The following KAT2B variants were observed in gnomAD, a reference collection of about 807,000 sequenced individuals.
KAT2B encodes the protein lysine acetyltransferase 2B.
A neutral mutation model predicts 105.9 loss-of-function variants in KAT2B; 36 were observed. That is an observed-to-expected ratio of 0.34 (90% CI 0.26 to 0.45). KAT2B has a LOEUF of 0.45. Ranked by LOEUF, KAT2B falls within the 20% of genes least tolerant of loss-of-function variation. The pLI is 1.00. For synonymous variants in KAT2B, 397 were observed against 377.9 expected (o/e 1.05, Z -0.59); for missense variants, 820 against 1,021.6 (o/e 0.80, Z 2.69).
chr3:20,103,418 AT>A (rs973264514), intron 5 of KAT2B, among the ~76,000 whole-genome samples: 1 of 151,292 alleles, frequency 6.6e-6, no homozygotes, highest in African/African-American at 2.4e-5. Flanking sequence ...TTTTATTTTT[AT>A]TTTTTTTAGA....
chr3:20,101,131 G>A, intron 4 of KAT2B, 156 bp from the exon 5 acceptor site: 1 of 606,544 alleles, frequency 1.6e-6, no homozygotes, highest in Non-Finnish European at 2.9e-6. Context: ...TCCCTCTGGG[G>A]ATTGCTATTT....
intron 5 of KAT2B, among the ~76,000 whole-genome samples, 158 bp downstream of exon 5, chr3:20,101,626 T>C (rs1033100985): frequency 2.6e-5 from 4 of 152,224 alleles, no homozygotes; most frequent in African/African-American, 9.6e-5. Flanking sequence ...CTCCTGCTTT[T>C]CATTGCTATC....
At chr3:20,107,711 A>G (rs9828701) in intron 5 of KAT2B, among the ~76,000 whole-genome samples, 26,447 of 149,526 alleles carry the variant, frequency 0.18, 2,476 homozygotes, top group Middle Eastern at 0.23. Flanking sequence ...TAATTTCACC[A>G]TGTAACCATT....
chr3:20,124,751 T>C (rs1260586451), intron 9 of KAT2B, among the ~76,000 whole-genome samples: 1 of 152,228 alleles, frequency 6.6e-6, no homozygotes, highest in Non-Finnish European at 1.5e-5. Context: ...AGGAGTTTTG[T>C]GAGCTGGTTG....
intron 17 of KAT2B, among the ~76,000 whole-genome samples, chr3:20,150,336 G>A (rs796950685): frequency 2.0e-5 from 3 of 152,132 alleles, no homozygotes; most frequent in South Asian, 4.1e-4. Context: ...ATTTTCCCAC[G>A]ATTTCCTTAT....
At chr3:20,079,237 C>G (rs1477952927) in intron 2 of KAT2B, among the ~76,000 whole-genome samples, 4 of 129,936 alleles carry the variant, frequency 3.1e-5, no homozygotes, top group Non-Finnish European at 6.3e-5. Flanking sequence ...CAGAGTCTGG[C>G]TCTGTCACCC....
At chr3:20,135,806 G>A (rs1280622246) in intron 11 of KAT2B, among the ~76,000 whole-genome samples, 1 of 152,178 alleles carries the variant, frequency 6.6e-6, no homozygotes, top group East Asian at 1.9e-4. Context: ...TCAAAGGCTT[G>A]AAGGGCTGTT....
intron 8 of KAT2B, among the ~76,000 whole-genome samples, chr3:20,122,256 A>T (rs1442437232): frequency 6.6e-6 from 1 of 152,222 alleles, no homozygotes; most frequent in African/African-American, 2.4e-5. Flanking sequence ...CATTTACAAA[A>T]GATTGGTCTT....
At position 20,128,662 on chromosome 3, in the gene KAT2B, G is replaced by T. The variant is rs147765751; in HGVS notation, c.1749+1113G>T. ...AGAGCTCTCATCTATACCTTGTCCT[G>T]TTCTACTTTCTTGCTTTTAAGAAAA... is the stretch of plus-strand genomic sequence containing the variant. On this transcript the variant is annotated intron_variant, in intron 11 of 17. Coordinates refer to ENST00000263754, the MANE Select transcript of KAT2B (RefSeq NM_003884.5). Among the ~76,000 whole-genome samples, 276 of 152,178 alleles carry T rather than the reference G, an allele frequency of 1.8e-3. 4 individuals are homozygous for T. Among genetic ancestry groups the T allele is most frequent in the African/African-American group, 6.5e-3 (268 of 41,522 alleles).
intron 8 of KAT2B, among the ~76,000 whole-genome samples, chr3:20,121,364 C>T (rs1699304176): frequency 6.6e-6 from 1 of 151,998 alleles, no homozygotes; most frequent in Non-Finnish European, 1.5e-5. Flanking sequence ...CTTAAAAATT[C>T]AAAAAATTTA....
intron 11 of KAT2B, among the ~76,000 whole-genome samples, 159 bp downstream of exon 11, chr3:20,127,708 A>G (rs373469804): frequency 1.6e-4 from 25 of 152,278 alleles, no homozygotes; most frequent in African/African-American, 5.8e-4. Context: ...ATGGTCTCCA[A>G]CCTTTTTGGC....
At chr3:20,054,191 G>A (rs945958969) in intron 1 of KAT2B, among the ~76,000 whole-genome samples, 11 of 150,386 alleles carry the variant, frequency 7.3e-5, no homozygotes, top group Admixed American at 3.3e-4. Context: ...GTGCAGTGGC[G>A]CGATCTTGGC....
rs536216026 is a variant in KAT2B, at chr3:20,092,788, G to A, written c.431-2475G>A. Among the ~76,000 whole-genome samples the A allele has an allele frequency of 1.4e-4, 21 of 151,918 alleles. No homozygotes were observed. In the South Asian group the frequency reaches 2.1e-3, roughly 15 times the overall value. The stretch of plus-strand genomic sequence containing the variant: ...GTGATGTCGGCTCACTGCAATCTCC[G>A]CCTCCTGGGTTCAAGCAATTCTCCT... On this transcript the variant is annotated intron_variant, in intron 2 of 17. Coordinates refer to ENST00000263754, the MANE Select transcript of KAT2B (RefSeq NM_003884.5).
At chr3:20,069,565 G>A (rs796973527) in intron 1 of KAT2B, among the ~76,000 whole-genome samples, 7 of 147,192 alleles carry the variant, frequency 4.8e-5, no homozygotes, top group Admixed American at 1.4e-4. Flanking sequence ...TCACTCTGTC[G>A]CTCAGGCTGG....
At chr3:20,128,660 C>G (rs1699453267) in intron 11 of KAT2B, among the ~76,000 whole-genome samples, 5 of 152,134 alleles carry the variant, frequency 3.3e-5, no homozygotes, top group Admixed American at 3.3e-4. Context: ...ATACCTTGTC[C>G]TGTTCTACTT....
intron 2 of KAT2B, among the ~76,000 whole-genome samples, chr3:20,081,151 C>T (rs1336924390): frequency 6.6e-6 from 1 of 152,160 alleles, no homozygotes; most frequent in Non-Finnish European, 1.5e-5. Context: ...TTCCCATGAA[C>T]AAAAAATGTA....
At chr3:20,148,333 G>A (rs1699813267) in intron 16 of KAT2B, 27 bp downstream of exon 16, 1 of 1,611,226 alleles carries the variant, frequency 6.2e-7, no homozygotes, top group Non-Finnish European at 8.5e-7. Context: ...TTCACCTCAT[G>A]CAAATATTTT....
Position 20,040,516 on chromosome 3 carries a change from G to A in KAT2B, c.39G>A (p.Gly13=). Residue 13 remains glycine, a synonymous_variant, in exon 1 of 18, where the codon GGG becomes GGA. Coordinates refer to ENST00000263754, the MANE Select transcript of KAT2B (RefSeq NM_003884.5). ...EAGGAGPGGC[G]AGAGAGAGPG... ...GCGGGGCCGGGCCGGGCGGCTGCGGGGCAGGAGCCGGGGCAGGGGCCGGGC... is the reference window on the plus strand; with the variant it reads ...GCGGGGCCGGGCCGGGCGGCTGCGGAGCAGGAGCCGGGGCAGGGGCCGGGC... 2 of 1,009,412 alleles carry A rather than the reference G, an allele frequency of 2.0e-6. No individual in the cohort carries two copies. The highest frequency in any genetic ancestry group is 8.2e-5 in the East Asian group (1 of 12,142). The allele number at this position is 1,009,412 out of a possible 1,614,324, so 62.5% of individuals were successfully genotyped here. A position where few individuals can be genotyped will look rare whatever the true frequency, so the allele number is the denominator to read the frequency against.
intron 3 of KAT2B, among the ~76,000 whole-genome samples, chr3:20,097,399 C>T (rs1446579942): frequency 1.3e-5 from 2 of 152,170 alleles, no homozygotes; most frequent in African/African-American, 2.4e-5. Flanking sequence ...TGTGGAAACA[C>T]AATCCAAAAT....
Sources: gnomAD v4.1 joint callset for allele counts (sites outside exome capture counted in the v4.1 genomes callset) on GRCh38, gnomAD v4.1.1 for gene constraint, MANE v1.5 for transcripts, NCBI Gene and HGNC (gene_info 2026-07-23, HGNC 2026-07-21) for gene names.